Variants in ST6GALNAC5 observed in about 807,000 individuals in gnomAD.
ST6GALNAC5 encodes ST6 N-acetylgalactosaminide alpha-2,6-sialyltransferase 5.
ST6GALNAC5 carries 27 observed loss-of-function variants against 33.6 expected under a neutral mutation model. That is an observed-to-expected ratio of 0.80 (90% confidence interval 0.59 to 1.11). ST6GALNAC5 has a LOEUF of 1.11. ST6GALNAC5 is among the 50% of genes least tolerant of loss of function. The pLI, the probability that ST6GALNAC5 is intolerant of heterozygous loss-of-function variation, is 0.00. For synonymous variants in ST6GALNAC5, 194 were observed against 171.2 expected (o/e 1.13, Z -1.04); for missense variants, 428 against 454.0 (o/e 0.94, Z 0.52).
chr1:76,937,961 T>G (rs1316147767), intron 2 of ST6GALNAC5, among the ~76,000 whole-genome samples: 1 of 152,008 alleles, frequency 6.6e-6, no homozygotes, highest in Non-Finnish European at 1.5e-5. Flanking sequence ...CGGATTTAGT[T>G]TGCAGGCCCT....
At chr1:76,945,269 GA>G (rs35827706) in intron 2 of ST6GALNAC5, among the ~76,000 whole-genome samples, 33 of 144,842 alleles carry the variant, frequency 2.3e-4, no homozygotes, top group Admixed American at 4.1e-4. Flanking sequence ...ATTTGTGGGA[GA>G]AAAAAAAAAG....
At chr1:76,933,756 T>A (rs1647167796) in intron 2 of ST6GALNAC5, among the ~76,000 whole-genome samples, 1 of 135,782 alleles carries the variant, frequency 7.4e-6, no homozygotes, top group South Asian at 2.3e-4. Flanking sequence ...TCAATTCTTT[T>A]CTCTGCCAAA....
chr1:76,978,087 A>AT (rs1231940504), intron 2 of ST6GALNAC5, among the ~76,000 whole-genome samples: 1 of 152,078 alleles, frequency 6.6e-6, no homozygotes, highest in East Asian at 1.9e-4. Flanking sequence ...GATATTGACC[A>AT]TTTTTTGTCA....
chr1:77,039,848 C>T (rs1651775680), intron 2 of ST6GALNAC5, among the ~76,000 whole-genome samples: 1 of 152,212 alleles, frequency 6.6e-6, no homozygotes, highest in South Asian at 2.1e-4. Context: ...GGAGCCACCT[C>T]CCCTCTTGTG....
intron 2 of ST6GALNAC5, among the ~76,000 whole-genome samples, chr1:76,918,118 TA>T (rs1005866288): frequency 6.6e-6 from 1 of 152,160 alleles, no homozygotes; most frequent in Non-Finnish European, 1.5e-5. Flanking sequence ...AGAATTGTTT[TA>T]AAAAAAGTTA....
intron 2 of ST6GALNAC5, among the ~76,000 whole-genome samples, chr1:76,999,208 T>C (rs890404942): frequency 2.6e-5 from 4 of 152,214 alleles, no homozygotes; most frequent in African/African-American, 9.6e-5. Flanking sequence ...TGTTGTGTTT[T>C]ATCTGAAATC....
At chr1:76,892,317 C>T (rs1375243275) in intron 2 of ST6GALNAC5, among the ~76,000 whole-genome samples, 1 of 152,128 alleles carries the variant, frequency 6.6e-6, no homozygotes, top group Non-Finnish European at 1.5e-5. Flanking sequence ...TTGCATTTTG[C>T]AATAAGCAGC....
intron 2 of ST6GALNAC5, among the ~76,000 whole-genome samples, chr1:77,027,437 C>T (rs1317681266): frequency 6.6e-6 from 1 of 152,126 alleles, no homozygotes; most frequent in Admixed American, 6.5e-5. Context: ...GTAAATAAGA[C>T]AACATCCCAA....
At chr1:76,927,556 GC>G (rs1217198286) in intron 2 of ST6GALNAC5, among the ~76,000 whole-genome samples, 2 of 151,976 alleles carry the variant, frequency 1.3e-5, no homozygotes, top group African/African-American at 4.8e-5. Context: ...AGAAAAAGTA[GC>G]CCCTGGGGAA....
intron 2 of ST6GALNAC5, among the ~76,000 whole-genome samples, chr1:76,991,739 A>G (rs1466615433): frequency 6.6e-6 from 1 of 152,132 alleles, no homozygotes; most frequent in Non-Finnish European, 1.5e-5. Context: ...TGCCAACTGG[A>G]CATTTTCACC....
chr1:76,914,576 A>G (rs1646949573), intron 2 of ST6GALNAC5, among the ~76,000 whole-genome samples: 1 of 152,196 alleles, frequency 6.6e-6, no homozygotes, highest in Admixed American at 6.5e-5. Context: ...ACCTGAGAAA[A>G]ACAAGCAATG....
Position 77,044,317 on chromosome 1 carries a change from C to T in ST6GALNAC5, c.375C>T (p.Asp125=), listed in dbSNP as rs919395133. ...CAGAGTGTGTCATCCGCATGAATGA[C>T]GCCCCCACACGCGGCTATGGGCGTG... ...DQTECVIRMN[D]APTRGYGRDV... Residue 125 remains aspartate (D), a synonymous_variant, in exon 3 of 5, where the codon GAC becomes GAT. Transcript: ENST00000477717. 77 of 1,613,880 alleles carry T rather than the reference C, an allele frequency of 4.8e-5. No individual in the cohort carries two copies. Among genetic ancestry groups the T allele is most frequent in the Admixed American group, 2.3e-4 (14 of 60,002 alleles).
At chr1:77,021,215 T>G (rs1014595053) in intron 2 of ST6GALNAC5, among the ~76,000 whole-genome samples, 1 of 152,220 alleles carries the variant, frequency 6.6e-6, no homozygotes, top group Non-Finnish European at 1.5e-5. Context: ...TTTAAAAAAG[T>G]ATTCAAACCT....
chr1:76,908,603 C>T (rs555960352), intron 2 of ST6GALNAC5, among the ~76,000 whole-genome samples: 2 of 152,304 alleles, frequency 1.3e-5, no homozygotes, highest in South Asian at 2.1e-4. Flanking sequence ...TACTTTATAA[C>T]ATCCACTTAG....
chr1:76,894,282 C>A (rs1245788360), intron 2 of ST6GALNAC5, among the ~76,000 whole-genome samples: 1 of 152,178 alleles, frequency 6.6e-6, no homozygotes, highest in Non-Finnish European at 1.5e-5. Context: ...ATTGAGATCT[C>A]TTGGTAACTG....
chr1:76,898,010 C>T (rs1353064338), intron 2 of ST6GALNAC5, among the ~76,000 whole-genome samples: 6 of 152,122 alleles, frequency 3.9e-5, no homozygotes, highest in Admixed American at 1.3e-4. Flanking sequence ...ACGGGGCTTC[C>T]GAGGCAATCG....
intron 2 of ST6GALNAC5, among the ~76,000 whole-genome samples, chr1:76,909,677 C>T (rs1646893518): frequency 1.3e-5 from 2 of 151,674 alleles, no homozygotes; most frequent in Non-Finnish European, 2.9e-5. Flanking sequence ...AAATTCAATG[C>T]AAATAAAATA....
At chr1:76,962,739 G>A (rs921105602) in intron 2 of ST6GALNAC5, among the ~76,000 whole-genome samples, 1 of 152,174 alleles carries the variant, frequency 6.6e-6, no homozygotes, top group South Asian at 2.1e-4. Context: ...AAGAGATGGT[G>A]TTAATTTGGA....
intron 2 of ST6GALNAC5, among the ~76,000 whole-genome samples, chr1:76,871,748 G>A (rs181160391): frequency 2.0e-4 from 30 of 152,266 alleles, no homozygotes; most frequent in Admixed American, 4.6e-4. Context: ...TATGTGAGCT[G>A]CAATTGTAAT....
Sources: gnomAD v4.1 joint callset for allele counts (sites outside exome capture counted in the v4.1 genomes callset) on GRCh38, gnomAD v4.1.1 for gene constraint, MANE v1.5 for transcripts, NCBI Gene and HGNC (gene_info 2026-07-23, HGNC 2026-07-21) for gene names.